Variants in ENPP2 observed in about 807,000 individuals in gnomAD.
The protein encoded by ENPP2 is autotaxin.
Under a neutral mutation model 120.2 loss-of-function variants are expected in ENPP2, and 51 were observed. The ratio of observed to expected loss-of-function variants is 0.42; its 90% CI spans 0.34 to 0.54. The LOEUF (loss-of-function observed/expected upper bound fraction) is 0.54. ENPP2 is among the 20% of genes least tolerant of loss of function. The pLI is 0.04. For missense variants in ENPP2, 920 were observed against 1,066.5 expected, an observed-to-expected ratio of 0.86 and a Z score of 1.91; for synonymous variants, 365 against 366.4, an observed-to-expected ratio of 1.00 and a Z score of 0.04.
intron 11 of ENPP2, chr8:119,596,083 T>C: frequency 7.4e-7 from 1 of 1,355,828 alleles, no homozygotes. Context: ...CTTTCCCATC[T>C]GGGATCAGCA....
At chr8:119,650,635 A>G (rs1587573329) in intron 1 of ENPP2, among the ~76,000 whole-genome samples, 1 of 152,280 alleles carries the variant, frequency 6.6e-6, no homozygotes, top group East Asian at 1.9e-4. Flanking sequence ...CAACCCGGTT[A>G]TCCTCTGAAC....
At chr8:119,616,200 G>A (rs1815443443) in intron 8 of ENPP2, 65 bp downstream of exon 8, 1 of 1,474,688 alleles carries the variant, frequency 6.8e-7, no homozygotes, top group Admixed American at 2.0e-5. Context: ...TAACAAATTT[G>A]GGGATGAAAT....
chr8:119,614,177 T>C (rs895110884), intron 8 of ENPP2, among the ~76,000 whole-genome samples: 1 of 150,910 alleles, frequency 6.6e-6, no homozygotes, highest in African/African-American at 2.4e-5. Flanking sequence ...GCAATTTTCC[T>C]GCCTCAGCCT....
chr8:119,627,560 A>T (rs980519305), intron 2 of ENPP2, among the ~76,000 whole-genome samples: 27 of 150,178 alleles, frequency 1.8e-4, no homozygotes, highest in East Asian at 3.9e-4. Context: ...CAAAAAAAAA[A>T]TTTTTAAGAT....
chr8:119,567,160 C>G (rs1467818975), intron 22 of ENPP2, among the ~76,000 whole-genome samples: 1 of 152,150 alleles, frequency 6.6e-6, no homozygotes, highest in Non-Finnish European at 1.5e-5. Context: ...CTACCTTTCC[C>G]ATAACGATTT....
chr8:119,563,574 C>T (rs1167743532), intron 23 of ENPP2, among the ~76,000 whole-genome samples: 1 of 151,958 alleles, frequency 6.6e-6, no homozygotes, highest in Non-Finnish European at 1.5e-5. Flanking sequence ...AACTCATTTG[C>T]CAAAGGAAGT....
intron 22 of ENPP2, among the ~76,000 whole-genome samples, chr8:119,567,779 T>C (rs1340782242): frequency 6.6e-6 from 1 of 152,160 alleles, no homozygotes; most frequent in African/African-American, 2.4e-5. Flanking sequence ...GCTTTCAAAA[T>C]ATAGTGAAGA....
chr8:119,580,889 T>C (rs1217220118), intron 18 of ENPP2: 1 of 152,200 alleles, frequency 6.6e-6, no homozygotes, highest in African/African-American at 2.4e-5. Flanking sequence ...TATAATAGCA[T>C]TTATTAAAAA....
At chr8:119,639,301 C>T (rs991864213), upstream of ENPP2, among the ~76,000 whole-genome samples, 2 of 152,130 alleles carry the variant, frequency 1.3e-5, no homozygotes, top group Admixed American at 6.5e-5. Flanking sequence ...AACCTAATAA[C>T]GTTCCTGTCT....
At position 119,569,236 on chromosome 8, in the gene ENPP2, A is replaced by G. The variant is rs772273355; in HGVS notation, c.2052T>C (p.Pro684=). ...CAGATCTTGATATTCTTAACTTACA[A>G]GGAGGAAAGAGGAATCCGTAGGACA... ...KQMSYGFLFP[P]YLSSSPEAKY... Residue 684 remains proline, a splice_region_variant and synonymous_variant, in exon 21 of 25, where the codon CCT becomes CCC. Coordinates refer to ENST00000075322, the MANE Select transcript of ENPP2 (RefSeq NM_001040092.3). The G allele has an allele frequency of 6.2e-7, 1 of 1,613,912 alleles. No individual in the cohort carries two copies. The highest frequency in any genetic ancestry group is 1.1e-5 in the South Asian group (1 of 91,078).
chr8:119,585,612 G>A (rs536024207), intron 15 of ENPP2, among the ~76,000 whole-genome samples: 1 of 152,282 alleles, frequency 6.6e-6, no homozygotes, highest in Non-Finnish European at 1.5e-5. Context: ...CTCATTGGAA[G>A]TTGTTAGAGC....
chr8:119,624,316 T>C (rs1028291523), intron 3 of ENPP2, among the ~76,000 whole-genome samples: 4 of 152,160 alleles, frequency 2.6e-5, no homozygotes, highest in Non-Finnish European at 5.9e-5. Flanking sequence ...TAAAAAATAT[T>C]TAACCTTATT....
intron 3 of ENPP2, among the ~76,000 whole-genome samples, chr8:119,626,058 A>T (rs1162425559): frequency 6.6e-6 from 1 of 152,186 alleles, no homozygotes; most frequent in Non-Finnish European, 1.5e-5. Context: ...AAATTTTTTT[A>T]AAGAATGTAC....
At chr8:119,619,390 GT>G in intron 4 of ENPP2, 86 bp from the exon 5 acceptor site, 1 of 849,444 alleles carries the variant, frequency 1.2e-6, no homozygotes, top group South Asian at 1.5e-5. Context: ...TCTGTGTCCT[GT>G]TTGATACTTT....
In ENPP2 at chr8:119,586,447, C is replaced by A. The variant is rs552955293; in HGVS notation, c.1240-134G>T. 30 of 707,624 alleles carry A rather than the reference C, an allele frequency of 4.2e-5. No individual in the cohort carries two copies. In the East Asian group the frequency reaches 7.3e-4, roughly 17 times the overall value. 43.8% of individuals were successfully genotyped at this position (707,624 alleles called of 1,614,324 possible). On this transcript the variant is annotated intron_variant, in intron 14 of 24. Transcript: ENST00000075322. ...ATGAGTGAATAAATGAAATTTATTT[C>A]TATTAAATAATGTATGCTGAAAACA... is the stretch of plus-strand genomic sequence containing the variant.
At chr8:119,642,643 A>C (rs1050796837), upstream of ENPP2, among the ~76,000 whole-genome samples, 1 of 152,204 alleles carries the variant, frequency 6.6e-6, no homozygotes, top group Non-Finnish European at 1.5e-5. Flanking sequence ...TAAAGTTTAG[A>C]TCTCTTAAAA....
chr8:119,612,144 C>G (rs542851212), intron 8 of ENPP2, among the ~76,000 whole-genome samples: 1 of 152,266 alleles, frequency 6.6e-6, no homozygotes, highest in African/African-American at 2.4e-5. Flanking sequence ...GGAAGGCCTC[C>G]TCGGGACAGA....
At chr8:119,572,160 A>G (rs1440505093) in intron 19 of ENPP2, 1 of 1,527,278 alleles carries the variant, frequency 6.5e-7, no homozygotes, top group Non-Finnish European at 8.9e-7. Context: ...ACTTTCCTTC[A>G]AAACTCAAAC....
upstream of ENPP2, among the ~76,000 whole-genome samples, chr8:119,642,611 A>G (rs6469837): frequency 0.33 from 50,277 of 152,050 alleles, 10,152 homozygotes; most frequent in African/African-American, 0.56. Context: ...GTTATTAATA[A>G]CATTCACTAT....
Sources: gnomAD v4.1 joint callset for allele counts (sites outside exome capture counted in the v4.1 genomes callset) on GRCh38, gnomAD v4.1.1 for gene constraint, MANE v1.5 for transcripts, NCBI Gene and HGNC (gene_info 2026-07-23, HGNC 2026-07-21) for gene names.